GPR155: variants seen among roughly 807,000 people sequenced by gnomAD.
GPR155 encodes lysosomal cholesterol signaling protein.
GPR155 carries 65 observed loss-of-function variants against 93.1 expected under a neutral mutation model. The ratio of observed to expected loss-of-function variants is 0.70; its 90% CI spans 0.57 to 0.86. The LOEUF (loss-of-function observed/expected upper bound fraction) is 0.86, where lower values mean the gene tolerates loss of function less well. GPR155 is among the 40% of genes least tolerant of loss of function. The pLI, the probability that GPR155 is intolerant of heterozygous loss-of-function variation, is 0.00. For synonymous variants in GPR155, 319 were observed against 360.1 expected (o/e 0.89, Z 1.29); for missense variants, 838 against 1,034.8 (o/e 0.81, Z 2.61).
chr2:174,456,804 GACA>G (rs937457561), intron 10 of GPR155, among the ~76,000 whole-genome samples: 2 of 152,030 alleles, frequency 1.3e-5, no homozygotes, highest in Non-Finnish European at 2.9e-5. Flanking sequence ...AGTGCAAGAA[GACA>G]ACTACAGTAT....
intron 10 of GPR155, among the ~76,000 whole-genome samples, chr2:174,456,439 G>A (rs889081707): frequency 2.0e-5 from 3 of 151,730 alleles, no homozygotes; most frequent in Admixed American, 6.6e-5. Context: ...TGAGTAGCTC[G>A]GACTACAGGC....
Position 174,472,982 on chromosome 2 carries a change from A to G in GPR155, c.843T>C (p.Leu281=). ...ATGCTTACAGTTTAGCTGTGATGAG[A>G]AGAATTAGTACTACAAATGCCGACT... ...LKKSAFVVLI[L]LITAKLLVLP... Residue 281 remains leucine, a synonymous_variant, in exon 3 of 16, where the codon CTT becomes CTC. Transcript: ENST00000392552. 3 of 1,585,108 alleles carry G rather than the reference A, an allele frequency of 1.9e-6. No individual in the cohort carries two copies. Among genetic ancestry groups the G allele is most frequent in the Non-Finnish European group, 2.6e-6 (3 of 1,173,392 alleles).
intron 11 of GPR155, among the ~76,000 whole-genome samples, chr2:174,451,076 G>A (rs545234797): frequency 5.9e-5 from 9 of 152,204 alleles, no homozygotes; most frequent in Admixed American, 3.3e-4. Context: ...TTGGGAGGCC[G>A]AGGTGGGAGG....
intron 6 of GPR155, 74 bp downstream of exon 6, chr2:174,466,470 A>C: frequency 1.2e-6 from 1 of 856,898 alleles, no homozygotes; most frequent in Admixed American, 2.4e-5. Context: ...AAAACCTAGC[A>C]AAGTTATTTT....
Position 174,467,158 on chromosome 2 carries a change from A to AAAAACAAAAC in GPR155, c.1183-541_1183-532dup, listed in dbSNP as rs554182725. Among the ~76,000 whole-genome samples the AAAAACAAAAC allele has an allele frequency of 4.2e-4, 64 of 151,862 alleles. No homozygotes were observed. The East Asian group carries it at 8.3e-3, about 20-fold the overall frequency. ...GGTGACAGAGCAAGACTCCATCTCA[A>AAAAACAAAAC]AAAACAAAACAAAACAAAACAAAAC... On this transcript the variant is annotated intron_variant, in intron 5 of 15. Coordinates refer to ENST00000392552, the MANE Select transcript of GPR155 (RefSeq NM_152529.7).
At chr2:174,472,879 A>C (rs530025826) in intron 3 of GPR155, 86 bp downstream of exon 3, 2 of 1,013,750 alleles carry the variant, frequency 2.0e-6, no homozygotes, top group South Asian at 3.0e-5. Flanking sequence ...TTCAAAGGGG[A>C]AAATGGTTGC....
At chr2:174,477,571 A>C (rs903959023) in intron 2 of GPR155, among the ~76,000 whole-genome samples, 3 of 152,216 alleles carry the variant, frequency 2.0e-5, no homozygotes. Context: ...AATAGGGTTC[A>C]ACATGGGAAT....
chr2:174,467,683 GC>G (rs981700731), intron 5 of GPR155, among the ~76,000 whole-genome samples: 5 of 152,050 alleles, frequency 3.3e-5, no homozygotes, highest in African/African-American at 1.2e-4. Context: ...TAAATGCCAG[GC>G]TGTTTTACTT....
intron 3 of GPR155, among the ~76,000 whole-genome samples, chr2:174,472,217 C>T (rs1003971564): frequency 1.3e-5 from 2 of 152,108 alleles, no homozygotes; most frequent in African/African-American, 4.8e-5. Context: ...ACCAGTCTGA[C>T]CAACATGGTG....
At chr2:174,458,957 G>A (rs933100826) in intron 10 of GPR155, among the ~76,000 whole-genome samples, 13 of 152,002 alleles carry the variant, frequency 8.6e-5, no homozygotes, top group Non-Finnish European at 1.6e-4. Flanking sequence ...GCGTGGTGGC[G>A]TGCGACTGTA....
At chr2:174,466,491 G>T in intron 6 of GPR155, 53 bp downstream of exon 6, 2 of 985,322 alleles carry the variant, frequency 2.0e-6, no homozygotes, top group Non-Finnish European at 3.2e-6. Flanking sequence ...CTCCTCTACA[G>T]TAGAATAATC....
rs1688125546 is a variant in GPR155, at chr2:174,475,221, G to A, written c.461-1857C>T. On this transcript the variant is annotated intron_variant, in intron 2 of 15. Transcript: ENST00000392552. ...GAGGCGGGAGAATGGCGTGAACCCG[G>A]GAGGCGGAGCTTGCAGTGAGCCGAG... Among the ~76,000 whole-genome samples the A allele has an allele frequency of 2.1e-5, 3 of 142,038 alleles. No homozygotes were observed. In the Admixed American group the frequency reaches 2.2e-4, roughly 11 times the overall value. 93.2% of individuals were successfully genotyped at this position (142,038 alleles called of 152,430 possible). A position where few individuals can be genotyped will look rare whatever the true frequency, so the allele number is the denominator to read the frequency against.
intron 2 of GPR155, among the ~76,000 whole-genome samples, chr2:174,480,358 C>A (rs1386016064): frequency 6.6e-6 from 1 of 152,144 alleles, no homozygotes; most frequent in Admixed American, 6.5e-5. Context: ...ATAATCCCAA[C>A]AGTCAGCACA....
chr2:174,468,821 AG>A (rs1687911455), intron 5 of GPR155, 90 bp downstream of exon 5: 10 of 1,083,236 alleles, frequency 9.2e-6, no homozygotes, highest in Non-Finnish European at 1.3e-5. Flanking sequence ...TTATTTCATA[AG>A]AAACTAGATT....
At chr2:174,461,146 C>T (rs1687680875) in intron 9 of GPR155, among the ~76,000 whole-genome samples, 1 of 152,130 alleles carries the variant, frequency 6.6e-6, no homozygotes, top group Admixed American at 6.5e-5. Context: ...TTCTCCAGCA[C>T]AGGAAACACA....
At position 174,473,354 on chromosome 2, in the gene GPR155, T is replaced by C. The variant is rs371389336; in HGVS notation, c.471A>G (p.Leu157=). ...FALGYPIVEA[L]YQTTYPEYLQ... ...GATATTCTGGGTATGTAGTTTGATATAAAGCTTCAACTGCAAAACAAGAAT... is the reference window on the plus strand; with the variant it reads ...GATATTCTGGGTATGTAGTTTGATACAAAGCTTCAACTGCAAAACAAGAAT... The change falls in exon 3 of 16, where the codon TTA becomes TTG. Residue 157 remains leucine (L), a synonymous_variant. Transcript: ENST00000392552. 13 of 1,576,052 alleles carry C rather than the reference T, an allele frequency of 8.2e-6. No homozygotes were observed. Among genetic ancestry groups the C allele is most frequent in the Non-Finnish European group, 1.0e-5 (12 of 1,161,970 alleles).
chr2:174,452,971 G>T (rs1334019761), intron 11 of GPR155, among the ~76,000 whole-genome samples: 3 of 152,116 alleles, frequency 2.0e-5, no homozygotes, highest in Admixed American at 1.3e-4. Context: ...ACTTTTAAAG[G>T]TGTTTGTTCC....
chr2:174,433,193 G>T lies in GPR155; in HGVS notation c.*2923C>A, dbSNP rs922003384. 5 of 151,982 alleles carry T rather than the reference G, an allele frequency of 3.3e-5. No homozygotes were observed. Among genetic ancestry groups the T allele is most frequent in the Non-Finnish European group, 7.4e-5 (5 of 68,000 alleles). 9.4% of individuals were successfully genotyped at this position (151,982 alleles called of 1,614,324 possible). A position where few individuals can be genotyped will look rare whatever the true frequency, so the allele number is the denominator to read the frequency against. Reference sequence around the variant, plus strand: ...GTATAATTAAATAAATATCTGAAACGTTTAAAATAAGTTAAACTAGCACTG... The same window carrying T: ...GTATAATTAAATAAATATCTGAAACTTTTAAAATAAGTTAAACTAGCACTG... On this transcript the variant is annotated 3_prime_UTR_variant, in exon 16 of 16. Transcript: ENST00000392552.
chr2:174,449,714 G>A (rs1437366341), intron 11 of GPR155, among the ~76,000 whole-genome samples: 5 of 152,116 alleles, frequency 3.3e-5, no homozygotes, highest in African/African-American at 7.2e-5. Flanking sequence ...GGTGGCTCAC[G>A]CCTGTAATCC....
Sources: allele counts gnomAD v4.1 joint callset (sites outside exome capture counted in the v4.1 genomes callset), GRCh38; gene constraint gnomAD v4.1.1; transcripts MANE v1.5; gene names NCBI Gene and HGNC (gene_info 2026-07-23, HGNC 2026-07-21).